The following PCDH7 variants were observed in gnomAD, a reference collection of about 807,000 sequenced individuals.
PCDH7 encodes the protein protocadherin 7.
Under a neutral mutation model 58.9 loss-of-function variants are expected in PCDH7, and 17 were observed. The observed-to-expected ratio is 0.29, with a 90% CI of 0.20 to 0.43. The LOEUF (loss-of-function observed/expected upper bound fraction) is 0.43, where lower values mean the gene tolerates loss of function less well. Ranked by LOEUF, PCDH7 falls within the 20% of genes least tolerant of loss-of-function variation. PCDH7 has a pLI of 1.00. For synonymous variants in PCDH7, 664 were observed against 616.4 expected (o/e 1.08, Z -1.14); for missense variants, 1,274 against 1,441.0 (o/e 0.88, Z 1.88).
chr4:31,096,495 G>C (rs779168247), intron 3 of PCDH7, among the ~76,000 whole-genome samples: 5 of 152,020 alleles, frequency 3.3e-5, no homozygotes, highest in Non-Finnish European at 5.9e-5. Flanking sequence ...TAAATTAAAG[G>C]GTAGCAAATT....
rs1464709678 is a variant in PCDH7 at position 31,052,041 on chromosome 4, GT to G, written c.*8-90430del. Among the ~76,000 whole-genome samples, 3 of 152,006 alleles carry G rather than the reference GT, an allele frequency of 2.0e-5. No homozygotes were observed. The East Asian group carries it at 5.8e-4, about 29-fold the overall frequency. ...GCAAATATCTGAATTAAGTGTTAAGGTTATAGCTGTATATAATAATAGAAGG... is the reference window on the plus strand; with the variant it reads ...GCAAATATCTGAATTAAGTGTTAAGGTATAGCTGTATATAATAATAGAAGG... On this transcript the variant is annotated intron_variant, in intron 3 of 3. Coordinates refer to the PCDH7 transcript ENST00000509759.
At chr4:30,938,659 C>T (rs934827415) in intron 2 of PCDH7, among the ~76,000 whole-genome samples, 1 of 152,054 alleles carries the variant, frequency 6.6e-6, no homozygotes, top group Non-Finnish European at 1.5e-5. Flanking sequence ...ACATTACAAA[C>T]TTGACAGTCT....
At chr4:30,941,118 T>A (rs1168531099) in intron 2 of PCDH7, among the ~76,000 whole-genome samples, 1 of 151,936 alleles carries the variant, frequency 6.6e-6, no homozygotes, top group Non-Finnish European at 1.5e-5. Flanking sequence ...TTTAAAAAAA[T>A]TTTAGTAAGT....
intron 1 of PCDH7, among the ~76,000 whole-genome samples, chr4:30,835,639 G>A (rs1336444766): frequency 6.6e-6 from 1 of 152,074 alleles, no homozygotes; most frequent in African/African-American, 2.4e-5. Context: ...AGGAGCACAA[G>A]CCCAGGGCTT....
intron 3 of PCDH7, among the ~76,000 whole-genome samples, chr4:31,128,059 A>G (rs1033359200): frequency 2.0e-5 from 3 of 151,086 alleles, no homozygotes; most frequent in African/African-American, 4.9e-5. Flanking sequence ...ATGCATACAT[A>G]TGTATATATG....
At chr4:31,078,552 G>T (rs1279153685) in intron 3 of PCDH7, among the ~76,000 whole-genome samples, 1 of 148,082 alleles carries the variant, frequency 6.8e-6, no homozygotes, top group Non-Finnish European at 1.5e-5. Context: ...TGAACTCTGA[G>T]CCTCAAGCTA....
chr4:30,850,711 C>A (rs1005075117), intron 1 of PCDH7, among the ~76,000 whole-genome samples: 4 of 152,050 alleles, frequency 2.6e-5, no homozygotes, highest in African/African-American at 9.7e-5. Context: ...CCCTATTCCA[C>A]GGCTGGACAC....
chr4:30,829,978 A>C (rs1450646771), intron 1 of PCDH7, among the ~76,000 whole-genome samples: 1 of 152,112 alleles, frequency 6.6e-6, no homozygotes, highest in African/African-American at 2.4e-5. Context: ...CATCTAGCTA[A>C]TCAGAATCTG....
At chr4:30,808,631 G>T in intron 1 of PCDH7, among the ~76,000 whole-genome samples, 1 of 151,858 alleles carries the variant, frequency 6.6e-6, no homozygotes, top group Non-Finnish European at 1.5e-5. Flanking sequence ...ACATATAACT[G>T]GGCTCTGAGT....
At chr4:30,895,145 AT>A (rs1312423554) in intron 1 of PCDH7, among the ~76,000 whole-genome samples, 1 of 147,624 alleles carries the variant, frequency 6.8e-6, no homozygotes, top group African/African-American at 2.5e-5. Context: ...CAAAAAAAAA[AT>A]AATAATAATA....
At chr4:30,787,944 C>G (rs1335462269) in intron 1 of PCDH7, among the ~76,000 whole-genome samples, 1 of 151,966 alleles carries the variant, frequency 6.6e-6, no homozygotes, top group Non-Finnish European at 1.5e-5. Flanking sequence ...ATGACTACTT[C>G]AACAATTTGC....
intron 3 of PCDH7, among the ~76,000 whole-genome samples, chr4:30,989,033 A>T (rs918452095): frequency 6.6e-6 from 1 of 152,164 alleles, no homozygotes; most frequent in Non-Finnish European, 1.5e-5. Context: ...TACTTAAAAT[A>T]TTTGTTGTAG....
intron 1 of PCDH7, among the ~76,000 whole-genome samples, chr4:30,853,970 A>C (rs1365221530): frequency 6.6e-6 from 1 of 152,036 alleles, no homozygotes; most frequent in Non-Finnish European, 1.5e-5. Flanking sequence ...TTAACATTTC[A>C]AGGTAAAATG....
At chr4:30,977,102 C>T (rs900580427) in intron 3 of PCDH7, among the ~76,000 whole-genome samples, 2 of 152,234 alleles carry the variant, frequency 1.3e-5, no homozygotes, top group African/African-American at 4.8e-5. Flanking sequence ...AATAAGTAGG[C>T]ATTTGTCATA....
chr4:31,050,667 G>A (rs61598874), intron 3 of PCDH7, among the ~76,000 whole-genome samples: 1 of 152,122 alleles, frequency 6.6e-6, no homozygotes, highest in African/African-American at 2.4e-5. Context: ...ACTAAAGAGG[G>A]ATGTGAAAAT....
intron 3 of PCDH7, among the ~76,000 whole-genome samples, chr4:31,050,699 G>T (rs1756664164): frequency 6.6e-6 from 1 of 152,078 alleles, no homozygotes; most frequent in African/African-American, 2.4e-5. Context: ...TTTCTAAGAA[G>T]CACATCTTTA....
At chr4:30,862,672 T>A (rs1164080155) in intron 1 of PCDH7, among the ~76,000 whole-genome samples, 1 of 152,166 alleles carries the variant, frequency 6.6e-6, no homozygotes, top group African/African-American at 2.4e-5. Flanking sequence ...TTTAAATAAA[T>A]GCACAGAAGA....
chr4:31,081,523 G>A (rs1759505077), intron 3 of PCDH7, among the ~76,000 whole-genome samples: 1 of 152,082 alleles, frequency 6.6e-6, no homozygotes, highest in African/African-American at 2.4e-5. Context: ...TTTGCCAAAA[G>A]TCCCAATGAG....
intron 1 of PCDH7, among the ~76,000 whole-genome samples, chr4:30,777,999 A>G (rs1156344477): frequency 6.6e-6 from 1 of 152,142 alleles, no homozygotes; most frequent in East Asian, 1.9e-4. Context: ...CCATAATATG[A>G]TCTATCCTTT....
Sources: gnomAD v4.1 joint callset for allele counts (sites outside exome capture counted in the v4.1 genomes callset) on GRCh38, gnomAD v4.1.1 for gene constraint, MANE v1.5 for transcripts, NCBI Gene and HGNC (gene_info 2026-07-23, HGNC 2026-07-21) for gene names.